The following DPP6 variants were observed in gnomAD, a reference collection of about 807,000 sequenced individuals.
The protein encoded by DPP6 is A-type potassium channel modulatory protein DPP6.
In DPP6, 69 loss-of-function variants were observed where a neutral mutation model predicts 122.6. The ratio of observed to expected loss-of-function variants is 0.56; its 90% CI spans 0.46 to 0.69. The LOEUF (loss-of-function observed/expected upper bound fraction) is 0.69, where lower values mean the gene tolerates loss of function less well. Ranked by LOEUF, DPP6 falls within the 30% of genes least tolerant of loss-of-function variation. The pLI is 0.00. For synonymous variants in DPP6, 418 were observed against 433.1 expected, an observed-to-expected ratio of 0.97 and a Z score of 0.43; for missense variants, 928 against 1,116.9, an observed-to-expected ratio of 0.83 and a Z score of 2.41.
chr7:153,888,275 A>G lies in DPP6; in HGVS notation c.51+541A>G, dbSNP rs113456910. 2.5e-3 allele frequency among the ~76,000 whole-genome samples: 384 copies of G among 152,202 alleles called. 4 individuals are homozygous for G. The highest frequency in any genetic ancestry group is 8.6e-3 in the African/African-American group (356 of 41,546). On this transcript the variant is annotated intron_variant, in intron 1 of 25. Coordinates refer to the DPP6 transcript ENST00000404039. ...CGCCGGGCGGGACCCTGCTCCCTGG[A>G]TTGGGGACGCTGACTCCCCCAAAAG...
At chr7:154,637,728 CTGA>C in intron 5 of DPP6, 90 bp from the exon 6 acceptor site, 2 of 1,345,450 alleles carry the variant, frequency 1.5e-6, no homozygotes, top group Non-Finnish European at 2.0e-6. Context: ...TTTTGGTTCA[CTGA>C]TGTTTGTTAG....
At chr7:153,946,043 C>T (rs1048189844) in intron 1 of DPP6, among the ~76,000 whole-genome samples, 5 of 152,060 alleles carry the variant, frequency 3.3e-5, no homozygotes, top group Non-Finnish European at 7.4e-5. Context: ...CAGCCTCGTC[C>T]ATCAGAGGCA....
At chr7:154,309,532 A>G (rs1490449408) in intron 1 of DPP6, among the ~76,000 whole-genome samples, 1 of 152,176 alleles carries the variant, frequency 6.6e-6, no homozygotes, top group Non-Finnish European at 1.5e-5. Flanking sequence ...CACATAGGTA[A>G]TGGCCCAGTA....
rs1360736208 is a variant in DPP6, at chr7:153,964,812, CTTTCCTTTCCTTTCCT to C, written c.51+77087_51+77102del. ...CTTTCCTTTCCTTTCCTTTCCTTTC[CTTTCCTTTCCTTTCCT>C]TTTCCTTTTCCTTTTCCTTTTCCTT... On this transcript the variant is annotated intron_variant, in intron 1 of 25. Coordinates refer to the DPP6 transcript ENST00000404039. Among the ~76,000 whole-genome samples the C allele has an allele frequency of 1.9e-3, 93 of 47,756 alleles. 2 individuals carry two copies. Among genetic ancestry groups the C allele is most frequent in the East Asian group, 0.013 (2 of 150 alleles). The allele number at this position is 47,756 out of a possible 152,430, so 31.3% of individuals were successfully genotyped here. A position where few individuals can be genotyped will look rare whatever the true frequency, so the allele number is the denominator to read the frequency against.
intron 1 of DPP6, among the ~76,000 whole-genome samples, chr7:154,065,069 C>T (rs1802594425): frequency 6.6e-6 from 1 of 152,072 alleles, no homozygotes; most frequent in Admixed American, 6.5e-5. Flanking sequence ...GTCTCAACTC[C>T]CTAAATGGGT....
intron 3 of DPP6, among the ~76,000 whole-genome samples, chr7:154,534,384 G>C (rs1828074286): frequency 6.6e-6 from 1 of 152,144 alleles, no homozygotes; most frequent in Non-Finnish European, 1.5e-5. Context: ...GTCCTGGTTA[G>C]TGCAGTAAAG....
chr7:154,386,571 A>G (rs1166336230), intron 1 of DPP6, among the ~76,000 whole-genome samples: 1 of 152,126 alleles, frequency 6.6e-6, no homozygotes, highest in Non-Finnish European at 1.5e-5. Flanking sequence ...GACTACTGCC[A>G]TGTCAGCTCA....
chr7:153,832,108 G>A, the DPP6 span, among the ~76,000 whole-genome samples: 1 of 152,142 alleles, frequency 6.6e-6, no homozygotes, highest in Non-Finnish European at 1.5e-5. Context: ...GTATGTGAGT[G>A]TATGAACATA....
In DPP6 at chr7:154,061,153, G is replaced by T. The variant is rs560232985; in HGVS notation, c.243+8090G>T. On this transcript the variant is annotated intron_variant, in intron 1 of 25. Transcript: ENST00000377770. ...AGAAGGCAGGTGAGAGAATTCTTAGGAGCTGTGGGGTTTTGTAGACTGTGG... is the reference window on the plus strand; with the variant it reads ...AGAAGGCAGGTGAGAGAATTCTTAGTAGCTGTGGGGTTTTGTAGACTGTGG... Among the ~76,000 whole-genome samples the T allele has an allele frequency of 2.0e-5, 3 of 148,516 alleles. No homozygotes were observed. The East Asian group carries it at 5.8e-4, about 29-fold the overall frequency.
intron 1 of DPP6, among the ~76,000 whole-genome samples, chr7:154,327,680 C>A (rs188905020): frequency 6.6e-6 from 1 of 152,264 alleles, no homozygotes; most frequent in African/African-American, 2.4e-5. Context: ...CCTATACTAA[C>A]CCCCACCCTA....
At chr7:153,832,941 A>G in the DPP6 span, among the ~76,000 whole-genome samples, 277 of 152,302 alleles carry the variant, frequency 1.8e-3, 5 homozygotes, top group Middle Eastern at 6.8e-3. Flanking sequence ...CCTTGCACTC[A>G]TGGAAGCTCA....
At chr7:154,510,340 A>G (rs1310211851) in intron 3 of DPP6, among the ~76,000 whole-genome samples, 1 of 152,126 alleles carries the variant, frequency 6.6e-6, no homozygotes, top group Non-Finnish European at 1.5e-5. Flanking sequence ...ATACAAATGG[A>G]GCTAACCTCA....
Position 154,889,502 on chromosome 7 carries a change from T to G in DPP6, c.2423T>G (p.Ile808Ser). The part of the protein sequence containing the change: ...QHTAELITQL[I>S]RGKANYSLQI... ...ACAGCAGAACTCATTACACAACTAA[T>G]TAGGGGAAAGGCTAATTACAGCTTA... Residue 808 changes from isoleucine (I) to serine (S), a missense_variant, in exon 25 of 26, where the codon ATT (isoleucine) becomes AGT (serine). By Grantham distance (142) the Ile-to-Ser change is moderately radical. Coordinates refer to ENST00000377770, the MANE Select transcript of DPP6 (RefSeq NM_130797.4). 6.2e-7 allele frequency: 1 copy of G among 1,606,194 alleles called. No homozygotes were observed. The highest frequency in any genetic ancestry group is 8.5e-7 in the Non-Finnish European group (1 of 1,177,530).
intron 1 of DPP6, among the ~76,000 whole-genome samples, chr7:153,934,978 G>A (rs919714414): frequency 6.6e-6 from 1 of 152,192 alleles, no homozygotes; most frequent in African/African-American, 2.4e-5. Flanking sequence ...CGGAGGGTCC[G>A]TCATAGCCCA....
intron 1 of DPP6, among the ~76,000 whole-genome samples, chr7:154,349,002 T>TA (rs1014628102): frequency 1.3e-5 from 2 of 152,204 alleles, no homozygotes; most frequent in African/African-American, 4.8e-5. Flanking sequence ...CAGCTCAATA[T>TA]AAAAAACTAT....
the DPP6 span, among the ~76,000 whole-genome samples, chr7:153,845,096 G>T: frequency 6.6e-6 from 1 of 152,094 alleles, no homozygotes; most frequent in Non-Finnish European, 1.5e-5. Context: ...TTTTGGGAAT[G>T]ATCATCAATG....
intron 18 of DPP6, among the ~76,000 whole-genome samples, chr7:154,872,161 C>T (rs1804451746): frequency 6.6e-6 from 1 of 152,228 alleles, no homozygotes; most frequent in Admixed American, 6.5e-5. Flanking sequence ...GGCACCCTCT[C>T]CCCTCTAGGC....
chr7:154,720,234 CA>C (rs1444483881), intron 7 of DPP6, among the ~76,000 whole-genome samples: 1 of 152,118 alleles, frequency 6.6e-6, no homozygotes, highest in Non-Finnish European at 1.5e-5. Flanking sequence ...GTGCTATGCC[CA>C]GGAGAGGAGG....
In DPP6 at chr7:154,389,564, A is replaced by T. The variant is rs141321377; in HGVS notation, c.244-56650A>T. On this transcript the variant is annotated intron_variant, in intron 1 of 25. Transcript: ENST00000377770. ...AACTGACCATTTGTGTTTTGAATTC[A>T]TGTCAAACAATAATATATTCGATAG... Among the ~76,000 whole-genome samples the T allele has an allele frequency of 3.2e-3, 493 of 152,288 alleles. 11 individuals carry two copies. Among genetic ancestry groups the T allele is most frequent in the Admixed American group, 0.025 (385 of 15,296 alleles).
Sources: gnomAD v4.1 joint callset for allele counts (sites outside exome capture counted in the v4.1 genomes callset) on GRCh38, gnomAD v4.1.1 for gene constraint, MANE v1.5 for transcripts, NCBI Gene and HGNC (gene_info 2026-07-23, HGNC 2026-07-21) for gene names.